The following DENND4C variants were observed in gnomAD, a reference collection of about 807,000 sequenced individuals.
DENND4C encodes DENN domain containing 4C, also known as DENN domain-containing protein 4C.
DENND4C carries 108 observed loss-of-function variants against 203.0 expected under a neutral mutation model. That is an observed-to-expected ratio of 0.53 (90% CI 0.46 to 0.62). The LOEUF (loss-of-function observed/expected upper bound fraction) is 0.62, where lower values mean the gene tolerates loss of function less well. DENND4C is among the 20% of genes least tolerant of loss of function. The pLI is 0.00. For missense variants in DENND4C, 2,481 were observed against 2,301.2 expected (o/e 1.08, Z -1.60); for synonymous variants, 871 against 792.4 (o/e 1.10, Z -1.67).
intron 1 of DENND4C, among the ~76,000 whole-genome samples, chr9:19,266,587 C>T (rs1300918180): frequency 1.3e-5 from 2 of 152,170 alleles, no homozygotes; most frequent in South Asian, 4.1e-4. Flanking sequence ...TACTACAAGG[C>T]TACAGTAACC....
chr9:19,365,879 A>G (rs1827558931), intron 30 of DENND4C, among the ~76,000 whole-genome samples: 2 of 152,088 alleles, frequency 1.3e-5, no homozygotes, highest in Admixed American at 1.3e-4. Context: ...AAGAAATGCA[A>G]AACTTACACT....
chr9:19,323,102 C>T (rs946812477), intron 12 of DENND4C, among the ~76,000 whole-genome samples: 2 of 152,050 alleles, frequency 1.3e-5, no homozygotes, highest in East Asian at 1.9e-4. Context: ...GCCAGGAATT[C>T]GAGACCAGCC....
At chr9:19,363,067 C>T (rs575907650) in intron 30 of DENND4C, among the ~76,000 whole-genome samples, 83 of 152,274 alleles carry the variant, frequency 5.5e-4, no homozygotes, top group Non-Finnish European at 9.6e-4. Context: ...AGAAAGGGAT[C>T]AGCAGGTTTG....
intron 1 of DENND4C, among the ~76,000 whole-genome samples, chr9:19,232,908 C>T (rs1338362573): frequency 1.3e-5 from 2 of 152,080 alleles, no homozygotes; most frequent in Non-Finnish European, 2.9e-5. Context: ...CCAGTTAAGA[C>T]CAAAACATCT....
rs1280336135 is a variant in DENND4C, at chr9:19,336,807, G to C, written c.2856G>C (p.Glu952Asp). 7.1e-6 allele frequency: 11 copies of C among 1,550,510 alleles called. No homozygotes were observed. Among genetic ancestry groups the C allele is most frequent in the African/African-American group, 1.4e-5 (1 of 73,036 alleles). ...TVFVRDLIRL[E>D]SIDNHSSTGG... is the part of the protein sequence containing the mutation. ...TCGTCAGAGATTTAATCAGGCTTGA[G>C]TCCATTGATAATCACTCTAGCACAG... Residue 952 changes from glutamate (E) to aspartate (D), a missense_variant, in exon 20 of 33, where the codon GAG becomes GAC. Physicochemically the swap from Glu to Asp is conservative, Grantham distance 45. Coordinates refer to ENST00000434457, the MANE Select transcript of DENND4C (RefSeq NM_001330640.2).
chr9:19,270,428 T>C (rs1006401503), intron 1 of DENND4C, among the ~76,000 whole-genome samples: 4 of 152,152 alleles, frequency 2.6e-5, no homozygotes, highest in African/African-American at 9.7e-5. Flanking sequence ...GTTGGGAACT[T>C]TAGGAATCTA....
chr9:19,315,734 C>G (rs1456057753), intron 10 of DENND4C, among the ~76,000 whole-genome samples: 1 of 148,642 alleles, frequency 6.7e-6, no homozygotes, highest in East Asian at 2.0e-4. Flanking sequence ...GAGACATAGT[C>G]TTGCTCTGTT....
intron 2 of DENND4C, among the ~76,000 whole-genome samples, chr9:19,280,765 T>A (rs1429621779): frequency 2.0e-5 from 3 of 151,978 alleles, no homozygotes; most frequent in African/African-American, 4.8e-5. Flanking sequence ...TTTGAGACAG[T>A]GTCTCACTGT....
At chr9:19,325,897 T>C in intron 13 of DENND4C, 42 bp from the exon 14 acceptor site, 1 of 1,560,596 alleles carries the variant, frequency 6.4e-7, no homozygotes, top group East Asian at 2.2e-5. Flanking sequence ...ATTAAATTCA[T>C]AGTGGACATT....
intron 1 of DENND4C, among the ~76,000 whole-genome samples, chr9:19,233,128 A>G (rs567324621): frequency 6.6e-6 from 1 of 152,184 alleles, no homozygotes; most frequent in South Asian, 2.1e-4. Context: ...AAAGTTGCTG[A>G]GTCAGTGGCA....
chr9:19,269,752 C>G (rs967373282), intron 1 of DENND4C, among the ~76,000 whole-genome samples: 1 of 152,180 alleles, frequency 6.6e-6, no homozygotes, highest in African/African-American at 2.4e-5. Context: ...GGATTGGTCA[C>G]TGGTGCCTCA....
intron 10 of DENND4C, among the ~76,000 whole-genome samples, chr9:19,307,649 A>T (rs1405898002): frequency 6.6e-6 from 1 of 151,664 alleles, no homozygotes; most frequent in Non-Finnish European, 1.5e-5. Flanking sequence ...GGGCGCCTGT[A>T]ATCCCAACTA....
chr9:19,300,128 CTT>C (rs1838257038), intron 8 of DENND4C, 57 bp from the exon 9 acceptor site: 4 of 1,484,014 alleles, frequency 2.7e-6, no homozygotes, highest in South Asian at 1.4e-5. Context: ...ATAAGCAAAT[CTT>C]AACATATTTC....
chr9:19,319,998 C>G (rs1205839958), intron 12 of DENND4C, among the ~76,000 whole-genome samples: 2 of 152,118 alleles, frequency 1.3e-5, no homozygotes, highest in African/African-American at 4.8e-5. Flanking sequence ...ACCATTTCTT[C>G]TGCCACTTGT....
At chr9:19,348,843 C>G (rs1823482211) in intron 23 of DENND4C, among the ~76,000 whole-genome samples, 1 of 152,036 alleles carries the variant, frequency 6.6e-6, no homozygotes, top group African/African-American at 2.4e-5. Context: ...GGCACTTGCT[C>G]TGTTACCCAA....
intron 17 of DENND4C, 58 bp from the exon 18 acceptor site, chr9:19,334,919 A>G (rs1438016229): frequency 7.0e-6 from 10 of 1,430,654 alleles, no homozygotes; most frequent in South Asian, 6.0e-5. Flanking sequence ...TAAAATCTCT[A>G]CAATTCACAG....
chr9:19,331,869 T>A, intron 16 of DENND4C, 109 bp from the exon 17 acceptor site: 1 of 1,022,292 alleles, frequency 9.8e-7, no homozygotes, highest in Non-Finnish European at 1.4e-6. Context: ...AAGTGCTTGA[T>A]TTTAGGGGGT....
At chr9:19,275,134 C>T (rs901030957) in intron 1 of DENND4C, among the ~76,000 whole-genome samples, 1 of 150,718 alleles carries the variant, frequency 6.6e-6, no homozygotes, top group African/African-American at 2.4e-5. Context: ...CCCACCACCA[C>T]ACCTGGCTAA....
chr9:19,351,996 CT>C, intron 24 of DENND4C, 76 bp from the exon 25 acceptor site: 1 of 1,202,176 alleles, frequency 8.3e-7, no homozygotes, highest in African/African-American at 1.5e-5. Context: ...TGTGTCCCCC[CT>C]AAATACTTTG....
Sources: gnomAD v4.1 joint callset for allele counts (sites outside exome capture counted in the v4.1 genomes callset) on GRCh38, gnomAD v4.1.1 for gene constraint, MANE v1.5 for transcripts, NCBI Gene and HGNC (gene_info 2026-07-23, HGNC 2026-07-21) for gene names.